TASP1: variants seen among roughly 807,000 people sequenced by gnomAD.
The protein encoded by TASP1 is threonine aspartase 1.
Under a neutral mutation model 56.6 loss-of-function variants are expected in TASP1, and 16 were observed. That is an observed-to-expected ratio of 0.28 (90% CI 0.19 to 0.43). The LOEUF is 0.43. Ranked by LOEUF, TASP1 falls within the 20% of genes least tolerant of loss-of-function variation. The probability of loss-of-function intolerance (pLI) is 1.00; values close to 1 mark genes in which losing one functional copy is unlikely to be tolerated. For missense variants in TASP1, 393 were observed against 511.6 expected (o/e 0.77, Z 2.24); for synonymous variants, 179 against 184.2 (o/e 0.97, Z 0.23).
chr20:13,299,414 G>C, the TASP1 span: 2 of 1,610,906 alleles, frequency 1.2e-6, no homozygotes, highest in South Asian at 2.2e-5. This position sits in a 1 kb window ranked among gnomAD's most constrained non-coding sequence, Gnocchi z 5.8. Context: ...AGAGCCCCTC[G>C]GACGAGGACT....
chr20:13,367,280 T>C, the TASP1 span, among the ~76,000 whole-genome samples: 1 of 152,256 alleles, frequency 6.6e-6, no homozygotes. Flanking sequence ...CTTTGTGTGT[T>C]TCTTTAATCA....
chr20:13,403,359 A>G (rs976373949), intron 13 of TASP1, among the ~76,000 whole-genome samples: 5 of 152,196 alleles, frequency 3.3e-5, no homozygotes, highest in African/African-American at 2.4e-5. Flanking sequence ...CTTTGGGAGC[A>G]TAACTGCAGT....
chr20:13,129,961 C>T, the TASP1 span, among the ~76,000 whole-genome samples: 167 of 151,936 alleles, frequency 1.1e-3, no homozygotes, highest in African/African-American at 4.0e-3. Flanking sequence ...ACAGAGAATG[C>T]TATGTGTATG....
chr20:13,371,006 G>A, the TASP1 span, among the ~76,000 whole-genome samples: 1 of 152,034 alleles, frequency 6.6e-6, no homozygotes, highest in Admixed American at 6.5e-5. Flanking sequence ...GTAAGGTCAA[G>A]CAGTATCATC....
chr20:13,264,103 A>T, the TASP1 span, among the ~76,000 whole-genome samples: 1 of 152,120 alleles, frequency 6.6e-6, no homozygotes, highest in Non-Finnish European at 1.5e-5. Flanking sequence ...ATCAACTAGT[A>T]CTTATTTGTT....
At chr20:13,466,004 T>C (rs958069637) in intron 11 of TASP1, among the ~76,000 whole-genome samples, 1 of 152,052 alleles carries the variant, frequency 6.6e-6, no homozygotes, top group Non-Finnish European at 1.5e-5. Flanking sequence ...ACACACAAAC[T>C]ACAAGTAAAG....
chr20:13,582,309 TTA>T (rs1243759609), intron 5 of TASP1, among the ~76,000 whole-genome samples: 8 of 151,998 alleles, frequency 5.3e-5, no homozygotes, highest in African/African-American at 9.6e-5. Context: ...AATTAACAAT[TTA>T]TGTTATAAAT....
chr20:13,273,580 G>A, the TASP1 span, among the ~76,000 whole-genome samples: 6 of 152,112 alleles, frequency 3.9e-5, no homozygotes, highest in South Asian at 4.1e-4. Context: ...AAGCTATAGC[G>A]TAAAGGCTGA....
the TASP1 span, among the ~76,000 whole-genome samples, chr20:13,334,180 C>G: frequency 2.0e-5 from 3 of 152,144 alleles, no homozygotes; most frequent in African/African-American, 7.2e-5. Flanking sequence ...AGGTTTGAGG[C>G]AGAAATCCAT....
chr20:13,129,582 C>T, the TASP1 span, among the ~76,000 whole-genome samples: 1 of 152,244 alleles, frequency 6.6e-6, no homozygotes, highest in Non-Finnish European at 1.5e-5. Flanking sequence ...TAGAAATTAG[C>T]TTGTGTCTCA....
the TASP1 span, among the ~76,000 whole-genome samples, chr20:13,213,060 C>A: frequency 6.6e-6 from 1 of 152,152 alleles, no homozygotes; most frequent in African/African-American, 2.4e-5. Context: ...TCAGTTTGAT[C>A]TTTCTCTGCT....
chr20:13,396,132 AT>A (rs1400804326), intron 13 of TASP1, among the ~76,000 whole-genome samples: 1 of 151,680 alleles, frequency 6.6e-6, no homozygotes, highest in African/African-American at 2.4e-5. Flanking sequence ...GGGCTTTTAC[AT>A]TTTTTTCTCT....
At chr20:13,224,758 G>A in the TASP1 span, among the ~76,000 whole-genome samples, 1 of 151,426 alleles carries the variant, frequency 6.6e-6, no homozygotes, top group Non-Finnish European at 1.5e-5. Flanking sequence ...AGTAAGAAAA[G>A]CAACAATAAT....
chr20:13,161,692 T>G, the TASP1 span, among the ~76,000 whole-genome samples: 3 of 152,112 alleles, frequency 2.0e-5, no homozygotes, highest in Non-Finnish European at 4.4e-5. Flanking sequence ...AAGAAACTAT[T>G]GGATTAGCAA....
chr20:13,321,127 A>G, the TASP1 span, among the ~76,000 whole-genome samples: 3 of 151,890 alleles, frequency 2.0e-5, no homozygotes, highest in Admixed American at 2.0e-4. Flanking sequence ...TGAACCCAGG[A>G]GGAGGTGAAG....
intron 4 of TASP1, among the ~76,000 whole-genome samples, chr20:13,603,960 C>T (rs1446080738): frequency 6.6e-6 from 1 of 152,156 alleles, no homozygotes; most frequent in Non-Finnish European, 1.5e-5. Context: ...CACCATCCCC[C>T]AAGTGACATC....
intron 4 of TASP1, among the ~76,000 whole-genome samples, chr20:13,590,393 A>G (rs994819221): frequency 1.3e-5 from 2 of 152,188 alleles, no homozygotes; most frequent in Non-Finnish European, 2.9e-5. Context: ...TAAGCAGAAT[A>G]ATATGGCCCA....
the TASP1 span, among the ~76,000 whole-genome samples, chr20:13,341,323 T>C: frequency 6.6e-6 from 1 of 152,248 alleles, no homozygotes; most frequent in African/African-American, 2.4e-5. Context: ...AAATGTGGTT[T>C]TTAAATATAT....
At chr20:13,294,295 C>T in the TASP1 span, among the ~76,000 whole-genome samples, 1 of 152,196 alleles carries the variant, frequency 6.6e-6, no homozygotes, top group Non-Finnish European at 1.5e-5. Flanking sequence ...AGGGCCTCTA[C>T]CTCATCCCTC....
Sources: allele counts gnomAD v4.1 joint callset (sites outside exome capture counted in the v4.1 genomes callset), GRCh38; gene constraint gnomAD v4.1.1; non-coding constraint Gnocchi (gnomAD v3.1); transcripts MANE v1.5; gene names NCBI Gene and HGNC (gene_info 2026-07-23, HGNC 2026-07-21).